Variants in PLOD1 observed in about 807,000 individuals in gnomAD.
PLOD1 encodes lysine hydroxylase.
PLOD1 carries 70 observed loss-of-function variants against 94.7 expected under a neutral mutation model. The observed-to-expected ratio is 0.74, with a 90% confidence interval of 0.61 to 0.90. PLOD1 has a LOEUF of 0.90. PLOD1 is among the 40% of genes least tolerant of loss of function. The probability of loss-of-function intolerance (pLI) is 0.00; values close to 1 mark genes in which losing one functional copy is unlikely to be tolerated. For synonymous variants in PLOD1, 417 were observed against 400.2 expected, an observed-to-expected ratio of 1.04 and a Z score of -0.50; for missense variants, 905 against 972.7, an observed-to-expected ratio of 0.93 and a Z score of 0.93.
chr1:11,938,895 G>T (rs1424323228), intron 1 of PLOD1, among the ~76,000 whole-genome samples: 10 of 152,126 alleles, frequency 6.6e-5, no homozygotes, highest in Non-Finnish European at 8.8e-5. Context: ...TCCTGGGGGG[G>T]CTTCCAGAAC....
At chr1:11,950,026 G>A in intron 3 of PLOD1, 120 bp downstream of exon 3, 1 of 1,043,274 alleles carries the variant, frequency 9.6e-7, no homozygotes, top group South Asian at 1.3e-5. Flanking sequence ...AGGTTGCCTA[G>A]TTTTAGGGTG....
At position 11,949,871 on chromosome 1, in the gene PLOD1, A is replaced by G. The variant is rs7541079; in HGVS notation, c.267A>G (p.Ala89=). ...RLLKKALEKH[A]DKEDLVILFA... ...TGAAGAAAGCTCTGGAGAAGCACGC[A>G]GACAAGGAGGATCTGGTCATTCTCT... The change falls in exon 3 of 19, where the codon GCA becomes GCG. Residue 89 remains alanine (A), a synonymous_variant. Transcript: ENST00000196061. 6.2e-7 allele frequency: 1 copy of G among 1,614,030 alleles called. No homozygotes were observed. The highest frequency in any genetic ancestry group is 1.3e-5 in the African/African-American group (1 of 74,932).
intron 1 of PLOD1, among the ~76,000 whole-genome samples, chr1:11,937,003 A>G (rs748566690): frequency 9.9e-5 from 15 of 151,640 alleles, no homozygotes; most frequent in African/African-American, 3.6e-4. Flanking sequence ...GGATGCCACA[A>G]CGCTCAGCTA....
chr1:11,965,401 G>A (rs369185578), intron 13 of PLOD1, 79 bp from the exon 14 acceptor site: 29 of 851,428 alleles, frequency 3.4e-5, no homozygotes, highest in Middle Eastern at 2.7e-4. Context: ...ACTGTTGCCC[G>A]TCTGGGAGCG....
intron 5 of PLOD1, 66 bp from the exon 6 acceptor site, chr1:11,954,764 T>G: frequency 4.6e-5 from 54 of 1,162,682 alleles, no homozygotes; most frequent in Non-Finnish European, 6.5e-5. Context: ...CCACACTGGG[T>G]GAGATGTAGC....
chr1:11,950,745 G>A (rs911401753), intron 4 of PLOD1, among the ~76,000 whole-genome samples: 1 of 152,016 alleles, frequency 6.6e-6, no homozygotes, highest in Non-Finnish European at 1.5e-5. Flanking sequence ...AGTCACTCCT[G>A]ACTCCTCCCT....
intron 5 of PLOD1, chr1:11,954,341 C>T: frequency 3.9e-6 from 1 of 255,348 alleles, no homozygotes; most frequent in African/African-American, 2.5e-5. Context: ...AAAAAATTAG[C>T]TGGGTATGGT....
Position 11,972,502 on chromosome 1 carries a change from C to T in PLOD1, c.1903-370C>T. On this transcript the variant is annotated intron_variant, in intron 17 of 18. Transcript: ENST00000196061. The surrounding 1 kb of genome is among the most constrained non-coding windows in gnomAD (Gnocchi z 4.6). ...TCCTGACCTCAGGTGATCCGCCCAC[C>T]TTGGCCTCCCAAAGTGCTGGAATTA... 3.8e-6 allele frequency: 1 copy of T among 263,418 alleles called. No individual in the cohort carries two copies. Among genetic ancestry groups the T allele is most frequent in the South Asian group, 4.3e-5 (1 of 23,484 alleles). The allele number at this position is 263,418 out of a possible 1,614,324, so 16.3% of individuals were successfully genotyped here.
At position 11,950,593 on chromosome 1, in the gene PLOD1, G is replaced by A. The variant is rs116340942; in HGVS notation, c.466+73G>A. ...TACTGCCTTTGTGGGGACCCCCCTT[G>A]TTTGACGTGCAATCTGGGTGTCTCA... is the stretch of plus-strand genomic sequence containing the variant. On this transcript the variant is annotated intron_variant, in intron 4 of 18. Transcript: ENST00000196061. The A allele has an allele frequency of 1.1e-3, 1,525 of 1,391,076 alleles. 16 individuals are homozygous for A. In the African/African-American group the frequency reaches 0.02, roughly 19 times the overall value. The allele number at this position is 1,391,076 out of a possible 1,614,324, so 86.2% of individuals were successfully genotyped here.
chr1:11,935,942 C>T (rs899175840), intron 1 of PLOD1, among the ~76,000 whole-genome samples: 1 of 151,484 alleles, frequency 6.6e-6, no homozygotes, highest in Non-Finnish European at 1.5e-5. Context: ...GACTCCTGTA[C>T]CTCAGCCTCC....
At chr1:11,950,555 A>G (rs374085700) in intron 4 of PLOD1, 35 bp downstream of exon 4, 86 of 1,606,068 alleles carry the variant, frequency 5.4e-5, no homozygotes, top group African/African-American at 3.7e-4. Flanking sequence ...TTGGCCCAGC[A>G]GAGGGGTCCA....
intron 1 of PLOD1, among the ~76,000 whole-genome samples, chr1:11,942,320 A>G (rs1645621016): frequency 6.6e-6 from 1 of 152,176 alleles, no homozygotes; most frequent in Non-Finnish European, 1.5e-5. Flanking sequence ...GCCAGAATGT[A>G]CAGTGTGTCT....
At chr1:11,935,844 T>G (rs1008672677) in intron 1 of PLOD1, among the ~76,000 whole-genome samples, 3 of 152,124 alleles carry the variant, frequency 2.0e-5, no homozygotes, top group Non-Finnish European at 2.9e-5. Context: ...AGGCTGGTCT[T>G]GAACTTCTGA....
intron 1 of PLOD1, among the ~76,000 whole-genome samples, chr1:11,941,976 G>A (rs1465069333): frequency 6.9e-6 from 1 of 145,638 alleles, no homozygotes; most frequent in Non-Finnish European, 1.5e-5. Flanking sequence ...GTGAGCCACT[G>A]TGCCCGGCCT....
Position 11,934,887 on chromosome 1 carries a change from G to C in PLOD1, c.76+32G>C, listed in dbSNP as rs771952442. On this transcript the variant is annotated intron_variant, in intron 1 of 18. Transcript: ENST00000196061. ...GAGCGAAGGCCGGGGGCGGGAGCGC[G>C]GATCCGGGCGGGAGGGCTGGTGTCG... 12 of 1,529,750 alleles carry C rather than the reference G, an allele frequency of 7.8e-6. No homozygotes were observed. The South Asian group carries it at 1.4e-4, about 18-fold the overall frequency. The allele number at this position is 1,529,750 out of a possible 1,614,324, so 94.8% of individuals were successfully genotyped here. A position where few individuals can be genotyped will look rare whatever the true frequency, so the allele number is the denominator to read the frequency against.
At chr1:11,956,768 T>C in intron 6 of PLOD1, 149 bp from the exon 7 acceptor site, 1 of 697,550 alleles carries the variant, frequency 1.4e-6, no homozygotes, top group East Asian at 2.6e-5. Flanking sequence ...TCCTATTTTA[T>C]AGATGAGGAA....
intron 1 of PLOD1, 22 bp from the exon 2 acceptor site, chr1:11,947,954 C>G: frequency 6.6e-7 from 1 of 1,515,904 alleles, no homozygotes; most frequent in Non-Finnish European, 9.2e-7. Context: ...TTCCCATTCA[C>G]CATACCCTCC....
rs1297160184 is a variant in PLOD1 at position 11,963,070 on chromosome 1, A to T, written c.1098-462A>T. On this transcript the variant is annotated intron_variant, in intron 10 of 18. Coordinates refer to ENST00000196061, the MANE Select transcript of PLOD1 (RefSeq NM_000302.4). The surrounding 1 kb of genome is among the most constrained non-coding windows in gnomAD (Gnocchi z 4.3). ...AAATAAAATAAAATAAAAATAAAAA[A>T]AAGAAAAACATAAAGCTGTTCTTAG... Among the ~76,000 whole-genome samples the T allele has an allele frequency of 6.6e-6, 1 of 152,148 alleles. No individual in the cohort carries two copies. The highest frequency in any genetic ancestry group is 1.5e-5 in the Non-Finnish European group (1 of 68,032).
chr1:11,960,956 G>C (rs1326780468), intron 10 of PLOD1, among the ~76,000 whole-genome samples, 189 bp downstream of exon 10: 2 of 152,094 alleles, frequency 1.3e-5, no homozygotes, highest in Admixed American at 6.6e-5. Flanking sequence ...GCCAACCCCC[G>C]GGGCTCCTGG....
Sources: allele counts gnomAD v4.1 joint callset (sites outside exome capture counted in the v4.1 genomes callset), GRCh38; gene constraint gnomAD v4.1.1; non-coding constraint Gnocchi (gnomAD v3.1); transcripts MANE v1.5; gene names NCBI Gene and HGNC (gene_info 2026-07-23, HGNC 2026-07-21).